The following KYNU variants were observed in gnomAD, a reference collection of about 807,000 sequenced individuals.
The protein encoded by KYNU is L-kynurenine hydrolase.
Under a neutral mutation model 59.2 loss-of-function variants are expected in KYNU, and 54 were observed. The observed-to-expected ratio is 0.91, with a 90% CI of 0.73 to 1.14. The LOEUF is 1.14. Among genes scored for constraint, KYNU ranks in the 50% most tolerant of loss-of-function variants. KYNU has a pLI of 0.00. For synonymous variants in KYNU, 177 were observed against 192.0 expected (o/e 0.92, Z 0.65); for missense variants, 567 against 554.4 (o/e 1.02, Z -0.23).
chr2:142,931,251 A>G (rs1683206905), intron 4 of KYNU, among the ~76,000 whole-genome samples: 1 of 152,160 alleles, frequency 6.6e-6, no homozygotes, highest in Non-Finnish European at 1.5e-5. Flanking sequence ...ATTCCCGTCT[A>G]TTTGGTTGTA....
intron 2 of KYNU, among the ~76,000 whole-genome samples, chr2:142,907,487 C>T (rs184339955): frequency 6.6e-5 from 10 of 152,228 alleles, no homozygotes; most frequent in Admixed American, 2.0e-4. Context: ...GAGTCAATGG[C>T]GGGTCTGCAA....
intron 4 of KYNU, among the ~76,000 whole-genome samples, chr2:142,929,656 C>T (rs948289134): frequency 1.3e-5 from 2 of 152,072 alleles, no homozygotes; most frequent in African/African-American, 2.4e-5. Flanking sequence ...AGGGGACAGG[C>T]GCACAGGTGG....
At chr2:142,991,205 G>C (rs1401457043) in intron 10 of KYNU, among the ~76,000 whole-genome samples, 1 of 151,820 alleles carries the variant, frequency 6.6e-6, no homozygotes, top group African/African-American at 2.4e-5. Context: ...TGCTTTTCCA[G>C]GCAACAGTTG....
At chr2:142,886,450 G>A (rs1486718140) in intron 2 of KYNU, among the ~76,000 whole-genome samples, 2 of 152,032 alleles carry the variant, frequency 1.3e-5, no homozygotes, top group East Asian at 3.8e-4. Flanking sequence ...ATAGAATTCT[G>A]GAAGAATGAA....
At chr2:142,960,851 G>T (rs1471615322) in intron 8 of KYNU, 81 bp downstream of exon 8, 2 of 1,337,688 alleles carry the variant, frequency 1.5e-6, no homozygotes, top group Non-Finnish European at 2.1e-6. Context: ...GACTTGTGAA[G>T]TACTTTAGCT....
At chr2:142,929,286 T>C (rs758168245) in intron 4 of KYNU, among the ~76,000 whole-genome samples, 10 of 133,366 alleles carry the variant, frequency 7.5e-5, no homozygotes, top group South Asian at 2.3e-4. Context: ...GAGGACAAAA[T>C]AGAATGCCAA....
rs776643879 is a variant in KYNU, at chr2:143,043,916, G to C, written c.*1744G>C. 6.6e-6 allele frequency: 1 copy of C among 150,968 alleles called. No individual in the cohort carries two copies. Among genetic ancestry groups the C allele is most frequent in the African/African-American group, 2.4e-5 (1 of 41,090 alleles). 9.4% of individuals were successfully genotyped at this position (150,968 alleles called of 1,614,324 possible). A position where few individuals can be genotyped will look rare whatever the true frequency, so the allele number is the denominator to read the frequency against. ...TTTGTTACATAGGTATACATGTGCC[G>C]TGGTGGATTGCTGCACCCATCAACC... On this transcript the variant is annotated 3_prime_UTR_variant, in exon 14 of 14. Transcript: ENST00000264170.
intron 4 of KYNU, chr2:142,947,484 C>T (rs1683830411): frequency 3.2e-6 from 1 of 317,090 alleles, no homozygotes; most frequent in Admixed American, 4.3e-5. Flanking sequence ...CTGAGATGGT[C>T]CATGACATTG....
intron 8 of KYNU, among the ~76,000 whole-genome samples, chr2:142,967,772 T>C (rs1684593669): frequency 6.6e-6 from 1 of 152,166 alleles, no homozygotes; most frequent in Admixed American, 6.5e-5. Context: ...GCCGTGATGC[T>C]TTTAGTCCTG....
intron 4 of KYNU, among the ~76,000 whole-genome samples, chr2:142,928,011 AAC>A (rs1429445537): frequency 6.6e-6 from 1 of 152,166 alleles, no homozygotes; most frequent in East Asian, 1.9e-4. Flanking sequence ...ACACATGAAA[AAC>A]ACATACATTG....
intron 8 of KYNU, among the ~76,000 whole-genome samples, chr2:142,961,697 G>A (rs1370596982): frequency 6.6e-6 from 1 of 151,752 alleles, no homozygotes; most frequent in East Asian, 1.9e-4. Context: ...TTGTTTTGAA[G>A]TCATGTCTCT....
intron 4 of KYNU, among the ~76,000 whole-genome samples, chr2:142,933,189 C>G (rs1267931047): frequency 6.6e-6 from 1 of 152,170 alleles, no homozygotes; most frequent in Non-Finnish European, 1.5e-5. Context: ...CATCCAAGAA[C>G]TGAGGCTTTA....
intron 4 of KYNU, among the ~76,000 whole-genome samples, chr2:142,937,726 T>TTGGTCTCC (rs1243743043): frequency 2.0e-5 from 3 of 152,230 alleles, no homozygotes; most frequent in Non-Finnish European, 4.4e-5. Context: ...GTTTGAACAG[T>TTGGTCTCC]TGGTCTCCTT....
At chr2:142,986,763 G>A (rs192671412) in intron 10 of KYNU, among the ~76,000 whole-genome samples, 30 of 151,742 alleles carry the variant, frequency 2.0e-4, no homozygotes, top group Non-Finnish European at 3.5e-4. Flanking sequence ...AGTATGTGTG[G>A]TGAGGAGACT....
chr2:142,996,608 C>T (rs1233591116), intron 10 of KYNU, among the ~76,000 whole-genome samples: 1 of 151,356 alleles, frequency 6.6e-6, no homozygotes, highest in Non-Finnish European at 1.5e-5. Context: ...AATCCCCTAA[C>T]TTTCAGTCAG....
rs114844127 is a variant in KYNU at position 142,943,787 on chromosome 2, C to T, written c.374-11023C>T. 8.0e-3 allele frequency among the ~76,000 whole-genome samples: 1,213 copies of T among 152,254 alleles called. 13 individuals are homozygous for T. The highest frequency in any genetic ancestry group is 0.028 in the African/African-American group (1,169 of 41,530). ...CAGCTGCAGACCCTCAGTCATGTAC[C>T]AGCCACCTCTAAAGGCTGCTGAAAT... On this transcript the variant is annotated intron_variant, in intron 4 of 13. Transcript: ENST00000264170.
At chr2:143,026,045 T>A (rs1464852273) in intron 10 of KYNU, among the ~76,000 whole-genome samples, 2 of 152,308 alleles carry the variant, frequency 1.3e-5, no homozygotes, top group East Asian at 3.9e-4. Context: ...AATTAGAAAC[T>A]TTCTTTGATG....
intron 10 of KYNU, among the ~76,000 whole-genome samples, chr2:142,987,274 A>G (rs1428659193): frequency 6.6e-6 from 1 of 151,840 alleles, no homozygotes; most frequent in East Asian, 1.9e-4. Flanking sequence ...CTCATGTATT[A>G]TATCAACCCA....
At chr2:142,996,866 A>G (rs887744916) in intron 10 of KYNU, among the ~76,000 whole-genome samples, 1 of 152,170 alleles carries the variant, frequency 6.6e-6, no homozygotes, top group Non-Finnish European at 1.5e-5. Context: ...GATCTCTGGA[A>G]GATTCTCTTC....
Sources: allele counts gnomAD v4.1 joint callset (sites outside exome capture counted in the v4.1 genomes callset), GRCh38; gene constraint gnomAD v4.1.1; transcripts MANE v1.5; gene names NCBI Gene and HGNC (gene_info 2026-07-23, HGNC 2026-07-21).